The following PLCB4 variants were observed in gnomAD, a reference collection of about 807,000 sequenced individuals.
The protein encoded by PLCB4 is phospholipase C beta 4, also known as 1-phosphatidylinositol 4,5-bisphosphate phosphodiesterase beta-4.
A neutral mutation model predicts 178.8 loss-of-function variants in PLCB4; 77 were observed. That is an observed-to-expected ratio of 0.43 (90% CI 0.36 to 0.52). The LOEUF (loss-of-function observed/expected upper bound fraction) is 0.52. Ranked by LOEUF, PLCB4 falls within the 20% of genes least tolerant of loss-of-function variation. The pLI, the probability that PLCB4 is intolerant of heterozygous loss-of-function variation, is 0.00. For synonymous variants in PLCB4, 496 were observed against 490.8 expected, an observed-to-expected ratio of 1.01 and a Z score of -0.14; for missense variants, 1,024 against 1,453.4, an observed-to-expected ratio of 0.70 and a Z score of 4.80.
intron 4 of PLCB4, among the ~76,000 whole-genome samples, chr20:9,332,686 A>AT (rs771352666): frequency 2.6e-5 from 4 of 151,838 alleles, no homozygotes; most frequent in South Asian, 2.1e-4. Flanking sequence ...CCTGGTAAAT[A>AT]TTTTTTTTCC....
At chr20:9,322,277 AG>A (rs1180889663) in intron 4 of PLCB4, among the ~76,000 whole-genome samples, 1 of 151,736 alleles carries the variant, frequency 6.6e-6, no homozygotes, top group East Asian at 1.9e-4. Context: ...TTAATTTTTG[AG>A]GGGGGAGAAA....
At chr20:9,090,508 G>A (rs1265749045) in intron 1 of PLCB4, among the ~76,000 whole-genome samples, 1 of 100,216 alleles carries the variant, frequency 1.0e-5, no homozygotes, top group Non-Finnish European at 2.2e-5. Context: ...CACATTTTTA[G>A]TGTGTTTTTT....
chr20:9,393,718 A>T, intron 18 of PLCB4, 40 bp downstream of exon 18: 2 of 1,202,516 alleles, frequency 1.7e-6, no homozygotes, highest in Non-Finnish European at 2.5e-6. Context: ...AGCATACATA[A>T]CATGTGTGGA....
intron 2 of PLCB4, among the ~76,000 whole-genome samples, chr20:9,121,512 G>T (rs901966027): frequency 6.6e-6 from 1 of 152,080 alleles, no homozygotes; most frequent in Non-Finnish European, 1.5e-5. Context: ...ACCAGCTTTT[G>T]TCTGGTCTAA....
intron 13 of PLCB4, among the ~76,000 whole-genome samples, chr20:9,383,749 A>G (rs2037346365): frequency 6.6e-6 from 1 of 152,220 alleles, no homozygotes; most frequent in South Asian, 2.1e-4. Flanking sequence ...TACATTTTCC[A>G]TTTTTAAAGA....
At chr20:9,160,918 ATAGT>A (rs1362566739) in intron 2 of PLCB4, among the ~76,000 whole-genome samples, 3 of 152,268 alleles carry the variant, frequency 2.0e-5, no homozygotes, top group African/African-American at 7.2e-5. Flanking sequence ...AGGTCTTCAG[ATAGT>A]TTGCTAGAGA....
At chr20:9,414,276 A>G (rs1298000573) in intron 25 of PLCB4, among the ~76,000 whole-genome samples, 1 of 152,132 alleles carries the variant, frequency 6.6e-6, no homozygotes, top group Non-Finnish European at 1.5e-5. Context: ...TCCCCTTCCC[A>G]TACACCCAGC....
At chr20:9,446,381 A>G (rs1414320093) in intron 32 of PLCB4, among the ~76,000 whole-genome samples, 2 of 152,220 alleles carry the variant, frequency 1.3e-5, no homozygotes, top group Admixed American at 6.5e-5. Flanking sequence ...GAAAATCACT[A>G]TCAACTTTGG....
chr20:9,079,824 TA>T (rs1033410194), intron 1 of PLCB4, among the ~76,000 whole-genome samples: 6 of 92,610 alleles, frequency 6.5e-5, no homozygotes, highest in East Asian at 3.0e-4. Context: ...AGAGTAACAT[TA>T]AAAAAATTTT....
At chr20:9,215,829 T>C (rs1673814814) in intron 2 of PLCB4, among the ~76,000 whole-genome samples, 1 of 152,214 alleles carries the variant, frequency 6.6e-6, no homozygotes, top group African/African-American at 2.4e-5. Flanking sequence ...TATATGTCTG[T>C]GTATTTACAT....
intron 2 of PLCB4, among the ~76,000 whole-genome samples, chr20:9,129,611 C>T (rs1483544188): frequency 6.6e-6 from 1 of 152,176 alleles, no homozygotes; most frequent in African/African-American, 2.4e-5. Context: ...CCCAGGGATA[C>T]TCTCTTTTTG....
intron 3 of PLCB4, among the ~76,000 whole-genome samples, chr20:9,233,068 T>C (rs2093951107): frequency 6.6e-6 from 1 of 152,090 alleles, no homozygotes; most frequent in Non-Finnish European, 1.5e-5. Context: ...AATGCCAAAA[T>C]GGAAGCAGAT....
intron 2 of PLCB4, among the ~76,000 whole-genome samples, chr20:9,175,087 G>T (rs1020259077): frequency 6.6e-6 from 1 of 152,134 alleles, no homozygotes; most frequent in African/African-American, 2.4e-5. Context: ...ATACAGCATT[G>T]GTTGTCACCA....
intron 4 of PLCB4, among the ~76,000 whole-genome samples, chr20:9,310,196 G>A (rs1462030748): frequency 1.3e-5 from 2 of 152,098 alleles, no homozygotes; most frequent in Admixed American, 1.3e-4. Flanking sequence ...AGCAGAAAAG[G>A]TTCGTTTCTA....
At chr20:9,249,321 TTTTTGAGACAAGG>T (rs1315067453) in intron 3 of PLCB4, among the ~76,000 whole-genome samples, 1 of 152,150 alleles carries the variant, frequency 6.6e-6, no homozygotes, top group Non-Finnish European at 1.5e-5. Flanking sequence ...GCTGCACCCA[TTTTTGAGACAAGG>T]TATCTCTCTG....
At chr20:9,405,160 A>T (rs555111672) in intron 20 of PLCB4, among the ~76,000 whole-genome samples, 153 bp from the exon 21 acceptor site, 1 of 152,224 alleles carries the variant, frequency 6.6e-6, no homozygotes, top group African/African-American at 2.4e-5. Context: ...GAGGCCATCC[A>T]TGGCTTTTTG....
Position 9,395,616 on chromosome 20 carries a change from G to A in PLCB4, c.1508G>A (p.Ser503Asn), listed in dbSNP as rs1335157171. The A allele has an allele frequency of 3.1e-6, 5 of 1,596,566 alleles. No homozygotes were observed. In the South Asian group the frequency reaches 3.3e-5, roughly 11 times the overall value. The part of the protein sequence containing the change: ...LEDDNEEEIE[S>N]ADQEEEAHPE... ...GACGATAATGAAGAGGAGATCGAAAGTGGTGAGCTGTTTGCTTTTATTTTA... is the reference window on the plus strand; with the variant it reads ...GACGATAATGAAGAGGAGATCGAAAATGGTGAGCTGTTTGCTTTTATTTTA... Residue 503 changes from serine (S) to asparagine (N), a missense_variant and splice_region_variant, in exon 19 of 40, where the codon AGT becomes AAT. Transcript: ENST00000378473.
At chr20:9,286,107 T>C (rs1361163869) in intron 3 of PLCB4, among the ~76,000 whole-genome samples, 1 of 152,012 alleles carries the variant, frequency 6.6e-6, no homozygotes, top group Non-Finnish European at 1.5e-5. Flanking sequence ...AAGGAATCCA[T>C]GTGTCTCATG....
chr20:9,132,981 C>A (rs1402990982), intron 2 of PLCB4, among the ~76,000 whole-genome samples: 1 of 152,094 alleles, frequency 6.6e-6, no homozygotes, highest in Non-Finnish European at 1.5e-5. Context: ...GGACCACCCC[C>A]CGACAACAAG....
Sources: gnomAD v4.1 joint callset for allele counts (sites outside exome capture counted in the v4.1 genomes callset) on GRCh38, gnomAD v4.1.1 for gene constraint, MANE v1.5 for transcripts, NCBI Gene and HGNC (gene_info 2026-07-23, HGNC 2026-07-21) for gene names.